PACS2: variants seen among roughly 807,000 people sequenced by gnomAD.
The protein encoded by PACS2 is phosphofurin acidic cluster sorting protein 2.
Under a neutral mutation model 113.0 loss-of-function variants are expected in PACS2, and 36 were observed. The ratio of observed to expected loss-of-function variants is 0.32; its 90% confidence interval spans 0.24 to 0.42. The LOEUF (loss-of-function observed/expected upper bound fraction) is 0.42. PACS2 is among the 10% of genes least tolerant of loss of function. PACS2 has a pLI of 1.00. For synonymous variants in PACS2, 589 were observed against 536.1 expected (o/e 1.10, Z -1.36); for missense variants, 1,015 against 1,239.5 (o/e 0.82, Z 2.72).
rs1299800338 is a variant in PACS2, at chr14:105,314,858, G to T, written c.-61G>T. On this transcript the variant is annotated 5_prime_UTR_variant, in exon 1 of 25. Coordinates refer to ENST00000447393, the MANE Select transcript of PACS2 (RefSeq NM_001100913.3). ...CGCCCTCCGCGCGCCCGGCCCGCCC[G>T]CCGCGCGTCCGCGGCCCGGCCGCAG... 2 of 802,848 alleles carry T rather than the reference G, an allele frequency of 2.5e-6. No homozygotes were observed. The highest frequency in any genetic ancestry group is 1.9e-5 in the African/African-American group (1 of 52,330). The allele number at this position is 802,848 out of a possible 1,614,324, so 49.7% of individuals were successfully genotyped here. A position where few individuals can be genotyped will look rare whatever the true frequency, so the allele number is the denominator to read the frequency against.
Position 105,356,123 on chromosome 14 carries a change from G to A in PACS2, c.423+946G>A, listed in dbSNP as rs1595680522. 6.6e-6 allele frequency among the ~76,000 whole-genome samples: 1 copy of A among 152,220 alleles called. No individual in the cohort carries two copies. Among genetic ancestry groups the A allele is most frequent in the Middle Eastern group, 3.4e-3 (1 of 292 alleles). On this transcript the variant is annotated intron_variant, in intron 4 of 24. Transcript: ENST00000447393. This position sits in a 1 kb window ranked among gnomAD's most constrained non-coding sequence, Gnocchi z 4.0. ...TTTGTCCCCCTGCTCCTGGGGCTTGGGGCTGGGACAGTGGGGGTGCCCACT... is the reference window on the plus strand; with the variant it reads ...TTTGTCCCCCTGCTCCTGGGGCTTGAGGCTGGGACAGTGGGGGTGCCCACT...
upstream of PACS2, among the ~76,000 whole-genome samples, chr14:105,310,388 G>A (rs2058318010): frequency 6.6e-6 from 1 of 151,850 alleles, no homozygotes; most frequent in Non-Finnish European, 1.5e-5. Flanking sequence ...AAATTAGCCA[G>A]GCGTGGTGGC....
rs2061345425 is a variant in PACS2, at chr14:105,376,149, T to TA, written c.802-618dup. On this transcript the variant is annotated intron_variant, in intron 8 of 24. Transcript: ENST00000447393. The surrounding 1 kb of genome is among the most constrained non-coding windows in gnomAD (Gnocchi z 4.7). ...GAGGAAACCACCCCCAGGATCCAGT[T>TA]ACCTCCACTTGTCCTGCCCTTGGCA... Among the ~76,000 whole-genome samples, 1 of 152,022 alleles carries TA rather than the reference T, an allele frequency of 6.6e-6. No individual in the cohort carries two copies. The highest frequency in any genetic ancestry group is 1.9e-4 in the East Asian group (1 of 5,166).
chr14:105,350,463 C>A (rs587753423), intron 2 of PACS2, among the ~76,000 whole-genome samples: 55 of 152,296 alleles, frequency 3.6e-4, no homozygotes, highest in African/African-American at 1.3e-3. Flanking sequence ...GCCCCAGGGC[C>A]CCTCAGAGCC....
At chr14:105,302,867 C>T (rs2058080630) in intron 1 of PACS2, among the ~76,000 whole-genome samples, 1 of 151,846 alleles carries the variant, frequency 6.6e-6, no homozygotes, top group Admixed American at 6.6e-5. Flanking sequence ...AGGCATGAGC[C>T]ACTGCTCCCC....
At chr14:105,384,586 A>ACAGGGCCTGCTGGGGCCTTGGC (rs1228143090) in intron 17 of PACS2, 123 bp downstream of exon 17, 2 of 656,444 alleles carry the variant, frequency 3.0e-6, no homozygotes, top group African/African-American at 3.6e-5. Flanking sequence ...GAGGCCATGG[A>ACAGGGCCTGCTGGGGCCTTGGC]CAGGGCCTGC....
rs2081375886 is a variant in PACS2, at chr14:105,392,011, C to A, written c.2255+245C>A. ...ACAGTGAATAAACATGGGCGTTGTG[C>A]TGGGCTGTCTCTCAGCTCTGTACAC... On this transcript the variant is annotated intron_variant, in intron 22 of 24. Coordinates refer to ENST00000447393, the MANE Select transcript of PACS2 (RefSeq NM_001100913.3). 5 of 541,756 alleles carry A rather than the reference C, an allele frequency of 9.2e-6. No individual in the cohort carries two copies. The East Asian group carries it at 1.3e-4, about 14-fold the overall frequency. 33.6% of individuals were successfully genotyped at this position (541,756 alleles called of 1,614,324 possible).
chr14:105,374,852 C>T (rs1342366331), intron 8 of PACS2: 2 of 152,234 alleles, frequency 1.3e-5, no homozygotes, highest in Admixed American at 6.5e-5. Flanking sequence ...AGGATCACTT[C>T]CAGACGAGAA....
intron 1 of PACS2, among the ~76,000 whole-genome samples, chr14:105,327,100 G>A (rs587759781): frequency 1.1e-4 from 16 of 152,362 alleles, no homozygotes; most frequent in Admixed American, 5.2e-4. Flanking sequence ...CAGGTCCAGC[G>A]TCGCTGTCTC....
chr14:105,376,031 G>A lies in PACS2; in HGVS notation c.802-737G>A, dbSNP rs1555410335. 6.6e-6 allele frequency among the ~76,000 whole-genome samples: 1 copy of A among 152,224 alleles called. No homozygotes were observed. The highest frequency in any genetic ancestry group is 1.5e-5 in the Non-Finnish European group (1 of 68,040). On this transcript the variant is annotated intron_variant, in intron 8 of 24. Coordinates refer to ENST00000447393, the MANE Select transcript of PACS2 (RefSeq NM_001100913.3). The surrounding 1 kb of genome is among the most constrained non-coding windows in gnomAD (Gnocchi z 4.7). ...AAGCAGGCACCTTCTTTATGGGGCA[G>A]CAGGTCGGAGTGGGTGCCTGCAGGG... is the stretch of plus-strand genomic sequence containing the variant.
rs1555405825 is a variant in PACS2 at position 105,358,850 on chromosome 14, G to T, written c.423+3673G>T. Among the ~76,000 whole-genome samples, 1 of 152,206 alleles carries T rather than the reference G, an allele frequency of 6.6e-6. No homozygotes were observed. The highest frequency in any genetic ancestry group is 2.4e-5 in the African/African-American group (1 of 41,446). On this transcript the variant is annotated intron_variant, in intron 4 of 24. Transcript: ENST00000447393. This position sits in a 1 kb window ranked among gnomAD's most constrained non-coding sequence, Gnocchi z 4.9. ...GGAGCGTCACCCTGACCGTTTGCAT[G>T]CTGGATTCCCTTTAGTTTCTCTCTA...
At chr14:105,382,666 C>T in intron 14 of PACS2, 85 bp downstream of exon 14, 1 of 997,952 alleles carries the variant, frequency 1.0e-6, no homozygotes, top group South Asian at 1.3e-5. Flanking sequence ...ACCCGGCACA[C>T]CTGGGTGCTG....
At chr14:105,327,642 G>T (rs1369553337) in intron 1 of PACS2, among the ~76,000 whole-genome samples, 1 of 152,234 alleles carries the variant, frequency 6.6e-6, no homozygotes, top group East Asian at 1.9e-4. Flanking sequence ...AGGGGCAGAG[G>T]ACAGCTGGCC....
At chr14:105,375,757 C>T (rs2061333672) in intron 8 of PACS2, among the ~76,000 whole-genome samples, 1 of 152,194 alleles carries the variant, frequency 6.6e-6, no homozygotes, top group Non-Finnish European at 1.5e-5. Flanking sequence ...ACCCAGCACC[C>T]CTGTTCTTCA....
chr14:105,354,156 T>C lies in PACS2; in HGVS notation c.298-896T>C, dbSNP rs906452083. On this transcript the variant is annotated intron_variant, in intron 3 of 24. Transcript: ENST00000447393. This position sits in a 1 kb window ranked among gnomAD's most constrained non-coding sequence, Gnocchi z 4.2. ...CTGAGTCAAGGCTATTTTGCTCTTC[T>C]ATTTAAAAAGATAGGGGAAACTCAG... Among the ~76,000 whole-genome samples the C allele has an allele frequency of 5.3e-5, 8 of 152,052 alleles. No homozygotes were observed. The highest frequency in any genetic ancestry group is 1.7e-4 in the African/African-American group (7 of 41,402).
intron 8 of PACS2, among the ~76,000 whole-genome samples, chr14:105,374,354 G>A (rs981314820): frequency 1.1e-4 from 16 of 152,174 alleles, no homozygotes; most frequent in African/African-American, 3.6e-4. Context: ...GCACCAAATA[G>A]TGCCATCAAG....
chr14:105,312,481 A>C (rs1408005475), upstream of PACS2, among the ~76,000 whole-genome samples: 1 of 152,208 alleles, frequency 6.6e-6, no homozygotes, highest in African/African-American at 2.4e-5. Context: ...CAGTCATCCG[A>C]GAGGTTTGTC....
At chr14:105,328,895 A>G (rs1323214188) in intron 1 of PACS2, among the ~76,000 whole-genome samples, 1 of 152,244 alleles carries the variant, frequency 6.6e-6, no homozygotes, top group Non-Finnish European at 1.5e-5. Flanking sequence ...GTGACCTGGC[A>G]GCACCTCTTT....
Position 105,330,352 on chromosome 14 carries a change from C to G in PACS2, c.119+15315C>G, listed in dbSNP as rs61078602. Among the ~76,000 whole-genome samples the G allele has an allele frequency of 6.6e-6, 1 of 152,030 alleles. No homozygotes were observed. Among genetic ancestry groups the G allele is most frequent in the Admixed American group, 6.5e-5 (1 of 15,282 alleles). The stretch of plus-strand genomic sequence containing the variant: ...ACGGGGACAGGAGCCTCCAAGAAGC[C>G]TGGGGTCCGTGTGTCCGTAGGAACG... On this transcript the variant is annotated intron_variant, in intron 1 of 24. Transcript: ENST00000447393. This position sits in a 1 kb window ranked among gnomAD's most constrained non-coding sequence, Gnocchi z 6.9.
Sources: gnomAD v4.1 joint callset for allele counts (sites outside exome capture counted in the v4.1 genomes callset) on GRCh38, gnomAD v4.1.1 for gene constraint, Gnocchi (gnomAD v3.1) non-coding constraint, MANE v1.5 for transcripts, NCBI Gene and HGNC (gene_info 2026-07-23, HGNC 2026-07-21) for gene names.